Variants in GTF3C5 observed in about 807,000 individuals in gnomAD.
GTF3C5 encodes the protein general transcription factor 3C polypeptide 5.
GTF3C5 carries 47 observed loss-of-function variants against 61.0 expected under a neutral mutation model. That is an observed-to-expected ratio of 0.77 (90% CI 0.61 to 0.98). GTF3C5 has a LOEUF of 0.98. Ranked by LOEUF, GTF3C5 falls within the 50% of genes least tolerant of loss-of-function variation. The pLI is 0.00. For synonymous variants in GTF3C5, 295 were observed against 275.4 expected (o/e 1.07, Z -0.71); for missense variants, 659 against 703.3 (o/e 0.94, Z 0.71).
chr9:133,043,269 A>G (rs1850090850), intron 2 of GTF3C5, among the ~76,000 whole-genome samples: 2 of 152,078 alleles, frequency 1.3e-5, no homozygotes, highest in South Asian at 4.1e-4. Context: ...AACACCTCAT[A>G]TTTTTCATCG....
chr9:133,055,672 A>G lies in GTF3C5; in HGVS notation c.1168-340A>G, dbSNP rs964940762. 1.3e-5 allele frequency: 13 copies of G among 985,302 alleles called. No homozygotes were observed. In the South Asian group the frequency reaches 3.8e-4, roughly 28 times the overall value. 61.0% of individuals were successfully genotyped at this position (985,302 alleles called of 1,614,324 possible). A position where few individuals can be genotyped will look rare whatever the true frequency, so the allele number is the denominator to read the frequency against. The stretch of plus-strand genomic sequence containing the variant: ...AAATTAGCAGCAGTGGGTGAGGGAT[A>G]AGGTCAGAGTGCAGGAGGGCACAGA... On this transcript the variant is annotated intron_variant, in intron 8 of 10. Coordinates refer to ENST00000372097, the MANE Select transcript of GTF3C5 (RefSeq NM_012087.4).
intron 1 of GTF3C5, among the ~76,000 whole-genome samples, 155 bp downstream of exon 1, chr9:133,031,319 C>A (rs1849726221): frequency 6.6e-6 from 1 of 152,102 alleles, no homozygotes; most frequent in South Asian, 2.1e-4. Context: ...GCCAACAGAA[C>A]AAAGAAGGGA....
At chr9:133,040,107 C>T (rs1161809788) in intron 1 of GTF3C5, among the ~76,000 whole-genome samples, 1 of 152,178 alleles carries the variant, frequency 6.6e-6, no homozygotes, top group Non-Finnish European at 1.5e-5. Flanking sequence ...AGTGTGAGCA[C>T]TTTGGGAAGG....
chr9:133,052,131 C>A lies in GTF3C5; in HGVS notation c.840C>A (p.Leu280=), dbSNP rs750405185. Residue 280 remains leucine, a synonymous_variant, in exon 5 of 11, where the codon CTC becomes CTA. Coordinates refer to ENST00000372097, the MANE Select transcript of GTF3C5 (RefSeq NM_012087.4). ...KANISVHPDK[L]KVLLPFIAYY... is the part of the protein sequence containing the mutation. The stretch of plus-strand genomic sequence containing the variant: ...ACATCAGCGTCCACCCAGACAAGCT[C>A]AAGGTCTTGCTTCCCTTCATAGCCT... 4 of 1,606,316 alleles carry A rather than the reference C, an allele frequency of 2.5e-6. No homozygotes were observed. In the African/African-American group the frequency reaches 5.4e-5, roughly 22 times the overall value.
rs201326108 is a variant in GTF3C5 at position 133,042,213 on chromosome 9, C to T, written c.280C>T (p.Arg94Trp). The T allele has an allele frequency of 5.2e-5, 84 of 1,613,708 alleles. No individual in the cohort carries two copies. Among genetic ancestry groups the T allele is most frequent in the African/African-American group, 6.7e-5 (5 of 74,932 alleles). The part of the protein sequence containing the change: ...LLLRIRKRTR[R>W]QKGVLGTEAH... ...GCTCCGCATCAGGAAGAGAACGAGG[C>T]GGCAGAAAGGGGTGCTGGGCACTGA... Residue 94 changes from arginine to tryptophan, a missense_variant, in exon 2 of 11, where the codon CGG (arginine) becomes TGG (tryptophan). Coordinates refer to ENST00000372097, the MANE Select transcript of GTF3C5 (RefSeq NM_012087.4).
chr9:133,048,100 G>C (rs1850258306), intron 3 of GTF3C5, among the ~76,000 whole-genome samples: 1 of 152,112 alleles, frequency 6.6e-6, no homozygotes, highest in Non-Finnish European at 1.5e-5. Context: ...CTGCACTCCA[G>C]CCTGGGTGAC....
intron 5 of GTF3C5, among the ~76,000 whole-genome samples, chr9:133,053,315 T>C (rs1850442294): frequency 6.6e-6 from 1 of 152,208 alleles, no homozygotes; most frequent in Non-Finnish European, 1.5e-5. Context: ...CCAGGCATGA[T>C]GGCTCACTCC....
chr9:133,056,797 G>C lies in GTF3C5; in HGVS notation c.1282G>C (p.Ala428Pro), dbSNP rs763894477. ...GAAGATCATTCACCGCAATGACGGG[G>C]CAGAGAATTCCTGCACAGAACGGGA... ...LQKIIHRNDGAENSCTERDGW... is the reference protein window; with the variant it reads ...LQKIIHRNDGPENSCTERDGW... The change falls in exon 10 of 11, where the codon GCA (alanine) becomes CCA (proline). Residue 428 changes from alanine (A) to proline (P), a missense_variant. Transcript: ENST00000372097. 6.2e-7 allele frequency: 1 copy of C among 1,609,804 alleles called. No homozygotes were observed. Among genetic ancestry groups the C allele is most frequent in the Non-Finnish European group, 8.5e-7 (1 of 1,177,952 alleles).
chr9:133,054,596 C>A, intron 7 of GTF3C5, 108 bp downstream of exon 7: 1 of 1,406,118 alleles, frequency 7.1e-7, no homozygotes, highest in Non-Finnish European at 9.9e-7. Flanking sequence ...CAGGGCTCTG[C>A]CGGTCATTCC....
At chr9:133,056,270 T>C (rs908080579) in intron 9 of GTF3C5, among the ~76,000 whole-genome samples, 176 bp downstream of exon 9, 1 of 152,178 alleles carries the variant, frequency 6.6e-6, no homozygotes, top group Non-Finnish European at 1.5e-5. Flanking sequence ...GTAGAGGCGG[T>C]GCCCTATAGA....
At chr9:133,034,040 C>T (rs1399225028) in intron 1 of GTF3C5, among the ~76,000 whole-genome samples, 1 of 152,040 alleles carries the variant, frequency 6.6e-6, no homozygotes, top group East Asian at 1.9e-4. Flanking sequence ...CTATGGGATC[C>T]CGTCCTGTAA....
chr9:133,039,928 AC>A (rs1250200774), intron 1 of GTF3C5, among the ~76,000 whole-genome samples: 1 of 152,202 alleles, frequency 6.6e-6, no homozygotes, highest in Non-Finnish European at 1.5e-5. Flanking sequence ...TAGAGTCTGA[AC>A]TTTTACCTGC....
chr9:133,033,301 G>A (rs1288462136), intron 1 of GTF3C5, among the ~76,000 whole-genome samples: 1 of 152,070 alleles, frequency 6.6e-6, no homozygotes, highest in African/African-American at 2.4e-5. Flanking sequence ...TACTTCTTCT[G>A]GTTGATGAAA....
At chr9:133,050,722 C>T (rs1850344567) in intron 3 of GTF3C5, 61 bp from the exon 4 acceptor site, 1 of 1,304,826 alleles carries the variant, frequency 7.7e-7, no homozygotes, top group African/African-American at 1.5e-5. Flanking sequence ...CCTGGTCTGG[C>T]CCAGCGGGTG....
intron 3 of GTF3C5, chr9:133,044,384 C>T (rs563619266): frequency 6.3e-6 from 1 of 159,506 alleles, no homozygotes; most frequent in African/African-American, 2.4e-5. Context: ...GGCTTAATCC[C>T]CTGGTCATTG....
chr9:133,040,737 A>G (rs1043049975), intron 1 of GTF3C5, among the ~76,000 whole-genome samples: 3 of 152,166 alleles, frequency 2.0e-5, no homozygotes, highest in Non-Finnish European at 1.5e-5. Context: ...ACCCTAGACA[A>G]GCCACTCCAC....
chr9:133,050,359 C>CT (rs1176623086), intron 3 of GTF3C5, among the ~76,000 whole-genome samples: 4 of 152,250 alleles, frequency 2.6e-5, no homozygotes, highest in Admixed American at 1.3e-4. Context: ...ATTGCGTTCT[C>CT]TCATGCAGCT....
chr9:133,055,684 C>T (rs1264034525), intron 8 of GTF3C5: 20 of 985,300 alleles, frequency 2.0e-5, no homozygotes, highest in Non-Finnish European at 2.3e-5. Context: ...GGTCAGAGTG[C>T]AGGAGGGCAC....
chr9:133,048,834 C>A (rs897687976), intron 3 of GTF3C5, among the ~76,000 whole-genome samples: 1 of 152,218 alleles, frequency 6.6e-6, no homozygotes, highest in South Asian at 2.1e-4. Flanking sequence ...GGCCCCCCTC[C>A]CTCCCCATGT....
Sources: gnomAD v4.1 joint callset for allele counts (sites outside exome capture counted in the v4.1 genomes callset) on GRCh38, gnomAD v4.1.1 for gene constraint, MANE v1.5 for transcripts, NCBI Gene and HGNC (gene_info 2026-07-23, HGNC 2026-07-21) for gene names.